Variants in SLC17A5 observed in about 807,000 individuals in gnomAD.
SLC17A5 encodes the protein solute carrier family 17 member 5.
A neutral mutation model predicts 59.4 loss-of-function variants in SLC17A5; 47 were observed. That is an observed-to-expected ratio of 0.79 (90% CI 0.63 to 1.01). SLC17A5 has a LOEUF of 1.01. SLC17A5 is among the 50% of genes least tolerant of loss of function. SLC17A5 has a pLI of 0.00. For synonymous variants in SLC17A5, 202 were observed against 210.7 expected (o/e 0.96, Z 0.36); for missense variants, 522 against 595.5 (o/e 0.88, Z 1.28).
At chr6:73,618,298 TA>T (rs940178232) in intron 7 of SLC17A5, 1 of 158,302 alleles carries the variant, frequency 6.3e-6, no homozygotes, top group Non-Finnish European at 1.3e-5. Context: ...TAAAATAAAA[TA>T]AAATAAAATG....
At chr6:73,653,496 GCTCCCCCGCCCC>G (rs1224448109) in intron 1 of SLC17A5, 7 of 977,692 alleles carry the variant, frequency 7.2e-6, no homozygotes, top group Non-Finnish European at 7.3e-6. Flanking sequence ...CTGCACCGCC[GCTCCCCCGCCCC>G]CGCCCCCGCC....
intron 6 of SLC17A5, 153 bp downstream of exon 6, chr6:73,635,229 C>T: frequency 3.6e-6 from 2 of 562,410 alleles, no homozygotes; most frequent in South Asian, 2.1e-5. Context: ...CCACTGCACC[C>T]AGCCAGACAA....
intron 6 of SLC17A5, among the ~76,000 whole-genome samples, chr6:73,623,051 T>C (rs1197799800): frequency 1.3e-5 from 2 of 152,166 alleles, no homozygotes; most frequent in Admixed American, 1.3e-4. Flanking sequence ...TATTTTATTT[T>C]ATTTTAAGAG....
chr6:73,653,671 C>T (rs1047456282), intron 1 of SLC17A5, 122 bp downstream of exon 1: 5 of 1,103,700 alleles, frequency 4.5e-6, no homozygotes, highest in Non-Finnish European at 6.5e-6. Flanking sequence ...AATGTCCCCT[C>T]GCGCCTGAGC....
chr6:73,618,876 T>A (rs928160628), intron 7 of SLC17A5, among the ~76,000 whole-genome samples: 1 of 152,088 alleles, frequency 6.6e-6, no homozygotes, highest in Non-Finnish European at 1.5e-5. Context: ...AGGCACGAGC[T>A]GCCATGCCTG....
intron 3 of SLC17A5, among the ~76,000 whole-genome samples, chr6:73,639,611 G>A (rs1769181567): frequency 6.6e-6 from 1 of 152,096 alleles, no homozygotes; most frequent in South Asian, 2.1e-4. Flanking sequence ...GGACAATGTA[G>A]GTATATTTAT....
intron 7 of SLC17A5, among the ~76,000 whole-genome samples, chr6:73,618,059 G>A (rs936514630): frequency 1.3e-5 from 2 of 151,688 alleles, no homozygotes; most frequent in African/African-American, 2.4e-5. Flanking sequence ...GTAAAACCCT[G>A]TCTCTACAAA....
intron 10 of SLC17A5, among the ~76,000 whole-genome samples, chr6:73,596,716 C>A (rs562109675): frequency 4.6e-5 from 7 of 151,978 alleles, no homozygotes; most frequent in Non-Finnish European, 1.0e-4. Flanking sequence ...ATTAGCCGGG[C>A]GTGGTGGCTG....
At chr6:73,628,290 G>C (rs950900611) in intron 6 of SLC17A5, among the ~76,000 whole-genome samples, 1 of 152,128 alleles carries the variant, frequency 6.6e-6, no homozygotes, top group African/African-American at 2.4e-5. Flanking sequence ...CATATGCGTG[G>C]CTGGGCGTGG....
chr6:73,630,345 A>G (rs542668551), intron 6 of SLC17A5, among the ~76,000 whole-genome samples: 18 of 152,308 alleles, frequency 1.2e-4, no homozygotes, highest in African/African-American at 3.6e-4. Flanking sequence ...ATATGCTATC[A>G]TAATTGTAAA....
At chr6:73,613,513 T>C (rs1380372912) in intron 8 of SLC17A5, among the ~76,000 whole-genome samples, 1 of 152,050 alleles carries the variant, frequency 6.6e-6, no homozygotes, top group Non-Finnish European at 1.5e-5. Context: ...TTACAGGCAC[T>C]TGCCACCACG....
intron 7 of SLC17A5, among the ~76,000 whole-genome samples, chr6:73,617,203 A>C (rs1249708565): frequency 6.6e-6 from 1 of 151,992 alleles, no homozygotes; most frequent in African/African-American, 2.4e-5. Flanking sequence ...AGGCAGAAGA[A>C]TCGCTTGAAC....
At chr6:73,650,734 C>T (rs938836421) in intron 1 of SLC17A5, among the ~76,000 whole-genome samples, 29 of 149,544 alleles carry the variant, frequency 1.9e-4, no homozygotes, top group African/African-American at 6.4e-4. Context: ...TTGATTGTAA[C>T]CCAAGAAGAA....
At chr6:73,603,803 C>A (rs1767268056) in intron 9 of SLC17A5, among the ~76,000 whole-genome samples, 1 of 152,044 alleles carries the variant, frequency 6.6e-6, no homozygotes, top group Admixed American at 6.6e-5. Context: ...TCTTAGGTAT[C>A]ATTTCACATA....
chr6:73,623,662 T>TTTA (rs1768262037), intron 6 of SLC17A5, among the ~76,000 whole-genome samples: 1 of 136,698 alleles, frequency 7.3e-6, no homozygotes, highest in South Asian at 2.4e-4. Flanking sequence ...TGTCTTTTAT[T>TTTA]TTTATTTATT....
In SLC17A5 at chr6:73,594,293, C is replaced by G. The variant is rs566819555; in HGVS notation, c.*784G>C. ...TCAGCCCCCCAAAGTGCTGGGATTA[C>G]AGGCATGAGCCACCGTGCCCGGCCG... On this transcript the variant is annotated 3_prime_UTR_variant, in exon 11 of 11. Coordinates refer to ENST00000355773, the MANE Select transcript of SLC17A5 (RefSeq NM_012434.5). 6.6e-6 allele frequency: 1 copy of G among 152,470 alleles called. No homozygotes were observed. The highest frequency in any genetic ancestry group is 6.5e-5 in the Admixed American group (1 of 15,270). 9.4% of individuals were successfully genotyped at this position (152,470 alleles called of 1,614,324 possible).
intron 7 of SLC17A5, among the ~76,000 whole-genome samples, chr6:73,617,797 G>A (rs767013234): frequency 9.2e-5 from 14 of 152,016 alleles, no homozygotes; most frequent in Non-Finnish European, 1.6e-4. Context: ...CCAAGATTGC[G>A]CCACTGCGCT....
chr6:73,642,006 T>C lies in SLC17A5; in HGVS notation c.292-82A>G, dbSNP rs932013408. ...TTTCTCTTACTGGCATGTAAGTACA[T>C]ATAAATGAGATTTTGAACCACTATT... On this transcript the variant is annotated intron_variant, in intron 2 of 10. Coordinates refer to ENST00000355773, the MANE Select transcript of SLC17A5 (RefSeq NM_012434.5). 32 of 1,222,048 alleles carry C rather than the reference T, an allele frequency of 2.6e-5. No individual in the cohort carries two copies. The African/African-American group carries it at 3.3e-4, about 13-fold the overall frequency. 75.7% of individuals were successfully genotyped at this position (1,222,048 alleles called of 1,614,324 possible).
chr6:73,607,530 T>A (rs1303182244), intron 9 of SLC17A5, among the ~76,000 whole-genome samples: 1 of 152,110 alleles, frequency 6.6e-6, no homozygotes, highest in Non-Finnish European at 1.5e-5. Context: ...TCTCCCAAAG[T>A]GCCGGGATTA....
Sources: gnomAD v4.1 joint callset for allele counts (sites outside exome capture counted in the v4.1 genomes callset) on GRCh38, gnomAD v4.1.1 for gene constraint, MANE v1.5 for transcripts, NCBI Gene and HGNC (gene_info 2026-07-23, HGNC 2026-07-21) for gene names.